Variants in AFG1L observed in about 807,000 individuals in gnomAD.
AFG1L encodes the protein AFG1-like ATPase.
In AFG1L, 53 loss-of-function variants were observed where a neutral mutation model predicts 62.2. The ratio of observed to expected loss-of-function variants is 0.85; its 90% CI spans 0.68 to 1.07. The LOEUF (loss-of-function observed/expected upper bound fraction) is 1.07, where lower values mean the gene tolerates loss of function less well. Among genes scored for constraint, AFG1L ranks in the 50% least tolerant of loss-of-function variants. AFG1L has a pLI of 0.00. For missense variants in AFG1L, 555 were observed against 590.5 expected (o/e 0.94, Z 0.62); for synonymous variants, 228 against 210.3 (o/e 1.08, Z -0.73).
At chr6:108,391,145 G>A (rs1435198781) in intron 6 of AFG1L, among the ~76,000 whole-genome samples, 2 of 152,134 alleles carry the variant, frequency 1.3e-5, no homozygotes, top group African/African-American at 4.8e-5. Context: ...AGAGTGGGAG[G>A]TAGATACCCA....
chr6:108,477,348 G>A lies in AFG1L; in HGVS notation c.1062+56G>A, dbSNP rs182398657. 2.1e-4 allele frequency: 215 copies of A among 1,018,442 alleles called. 2 individuals carry two copies. The African/African-American group carries it at 2.7e-3, about 13-fold the overall frequency. 63.1% of individuals were successfully genotyped at this position (1,018,442 alleles called of 1,614,324 possible). ...GCCTTTTCACATGTTAAAATACTTCGTGTTTTCCTCTCTGCCCATTTCAGA... is the reference window on the plus strand; with the variant it reads ...GCCTTTTCACATGTTAAAATACTTCATGTTTTCCTCTCTGCCCATTTCAGA... On this transcript the variant is annotated intron_variant, in intron 10 of 12. Coordinates refer to ENST00000368977, the MANE Select transcript of AFG1L (RefSeq NM_145315.5).
intron 7 of AFG1L, among the ~76,000 whole-genome samples, chr6:108,415,443 A>T (rs1259043090): frequency 1.3e-5 from 2 of 152,246 alleles, no homozygotes; most frequent in African/African-American, 4.8e-5. Flanking sequence ...TATGGAATCA[A>T]AAAAGAGCCC....
chr6:108,356,703 T>TA lies in AFG1L; in HGVS notation c.534dup (p.Gln179ThrfsTer13). ...CATGCATTTAAGGAATACATCGCCTTAAACAGAGTTTGCCAAAAAGGAAAC... is the reference window on the plus strand; with the variant it reads ...CATGCATTTAAGGAATACATCGCCTTAAAACAGAGTTTGCCAAAAAGGAAAC... On this transcript the variant is annotated frameshift_variant, in exon 5 of 13. Transcript: ENST00000368977. LOFTEE classifies it high-confidence loss of function. 3.7e-6 allele frequency: 6 copies of TA among 1,610,842 alleles called. No homozygotes were observed. Among genetic ancestry groups the TA allele is most frequent in the Non-Finnish European group, 5.1e-6 (6 of 1,178,520 alleles).
chr6:108,486,212 A>T (rs527918844), intron 10 of AFG1L, among the ~76,000 whole-genome samples: 3 of 152,220 alleles, frequency 2.0e-5, no homozygotes, highest in African/African-American at 7.2e-5. Context: ...TTTAACACTG[A>T]TGGTTTTTCT....
At chr6:108,458,443 T>G (rs1772331226) in intron 8 of AFG1L, among the ~76,000 whole-genome samples, 1 of 152,116 alleles carries the variant, frequency 6.6e-6, no homozygotes. Context: ...AGAGGTGGCA[T>G]TTTTCCTTTT....
At chr6:108,496,148 G>A (rs1051232626) in intron 10 of AFG1L, among the ~76,000 whole-genome samples, 2 of 152,202 alleles carry the variant, frequency 1.3e-5, no homozygotes, top group Non-Finnish European at 2.9e-5. Context: ...TACATAGGAG[G>A]ATCAACTAAT....
intron 7 of AFG1L, among the ~76,000 whole-genome samples, chr6:108,437,136 C>G (rs1771347440): frequency 6.6e-6 from 1 of 152,120 alleles, no homozygotes; most frequent in South Asian, 2.1e-4. Flanking sequence ...TCCCAAAGGC[C>G]CTACCTCCTA....
chr6:108,386,444 A>G (rs1484670904), intron 6 of AFG1L, among the ~76,000 whole-genome samples: 7 of 152,064 alleles, frequency 4.6e-5, no homozygotes, highest in Admixed American at 4.6e-4. Context: ...TTAGACAACA[A>G]GAGCAAAACT....
At chr6:108,357,670 G>C (rs773226233) in intron 5 of AFG1L, among the ~76,000 whole-genome samples, 5 of 152,208 alleles carry the variant, frequency 3.3e-5, no homozygotes, top group Non-Finnish European at 7.3e-5. Context: ...ATATGTATCT[G>C]TGATAAAGGG....
intron 1 of AFG1L, among the ~76,000 whole-genome samples, chr6:108,297,503 G>T (rs1255425047): frequency 6.6e-6 from 1 of 151,506 alleles, no homozygotes; most frequent in Non-Finnish European, 1.5e-5. Flanking sequence ...CTGTTTTTTT[G>T]GGGGGGTACA....
chr6:108,509,961 A>G (rs1461324468), intron 10 of AFG1L, among the ~76,000 whole-genome samples: 1 of 152,226 alleles, frequency 6.6e-6, no homozygotes, highest in East Asian at 1.9e-4. Context: ...GTATGTAGTT[A>G]TGTATAATTA....
At chr6:108,509,328 C>T (rs1451116424) in intron 10 of AFG1L, among the ~76,000 whole-genome samples, 1 of 152,200 alleles carries the variant, frequency 6.6e-6, no homozygotes, top group Admixed American at 6.5e-5. Context: ...CTCTCATCTG[C>T]TCCTGCTTAT....
chr6:108,384,532 A>G (rs1780681197), intron 6 of AFG1L, among the ~76,000 whole-genome samples: 1 of 152,244 alleles, frequency 6.6e-6, no homozygotes, highest in Non-Finnish European at 1.5e-5. Context: ...AATTCACAGT[A>G]TAACATTCAC....
At chr6:108,479,954 T>C (rs558439845) in intron 10 of AFG1L, among the ~76,000 whole-genome samples, 109 of 152,226 alleles carry the variant, frequency 7.2e-4, no homozygotes, top group African/African-American at 2.6e-3. Flanking sequence ...CATGGCCCCT[T>C]CCAAGGAAAA....
At chr6:108,305,961 T>C (rs1582559273) in intron 1 of AFG1L, among the ~76,000 whole-genome samples, 1 of 152,174 alleles carries the variant, frequency 6.6e-6, no homozygotes, top group Admixed American at 6.6e-5. Context: ...TGGAATGCAG[T>C]GGTGCGATCT....
Position 108,365,594 on chromosome 6 carries a change from G to T in AFG1L, c.649-639G>T, listed in dbSNP as rs1428840365. ...AGTGCCTTTTGATTATTCATGGACAGTAATAGAAGGCACTTAAAAAGAACA... is the reference window on the plus strand; with the variant it reads ...AGTGCCTTTTGATTATTCATGGACATTAATAGAAGGCACTTAAAAAGAACA... On this transcript the variant is annotated intron_variant, in intron 5 of 12. Transcript: ENST00000368977. 5.3e-5 allele frequency among the ~76,000 whole-genome samples: 8 copies of T among 150,236 alleles called. No individual in the cohort carries two copies. The Admixed American group carries it at 5.4e-4, about 10-fold the overall frequency.
chr6:108,502,738 G>C (rs1774256799), intron 10 of AFG1L, among the ~76,000 whole-genome samples: 1 of 152,194 alleles, frequency 6.6e-6, no homozygotes, highest in Non-Finnish European at 1.5e-5. Flanking sequence ...GAACTTTGCT[G>C]TACAATGGAC....
intron 7 of AFG1L, among the ~76,000 whole-genome samples, chr6:108,428,537 T>C (rs1457126558): frequency 6.6e-6 from 1 of 152,214 alleles, no homozygotes; most frequent in Non-Finnish European, 1.5e-5. Flanking sequence ...TTATTTTCCA[T>C]AGATGTTGTA....
At chr6:108,344,754 C>A in intron 2 of AFG1L, 1 of 471,182 alleles carries the variant, frequency 2.1e-6, no homozygotes, top group Non-Finnish European at 4.4e-6. Context: ...TCCACCCTGT[C>A]ATACCTTGTT....
Sources: allele counts gnomAD v4.1 joint callset (sites outside exome capture counted in the v4.1 genomes callset), GRCh38; gene constraint gnomAD v4.1.1; transcripts MANE v1.5; gene names NCBI Gene and HGNC (gene_info 2026-07-23, HGNC 2026-07-21).